SETBP1: variants seen among roughly 807,000 people sequenced by gnomAD.
SETBP1 encodes the protein SET binding protein 1, also known as SET-binding protein.
A neutral mutation model predicts 101.0 loss-of-function variants in SETBP1; 9 were observed. The observed-to-expected ratio is 0.09, with a 90% CI of 0.05 to 0.16. The LOEUF is 0.16. Ranked by LOEUF, SETBP1 falls within the 10% of genes least tolerant of loss-of-function variation. The pLI is 1.00. For missense variants in SETBP1, 1,858 were observed against 2,033.8 expected (o/e 0.91, Z 1.66); for synonymous variants, 818 against 788.5 (o/e 1.04, Z -0.63).
chr18:44,815,333 A>G (rs2071951369), intron 2 of SETBP1, among the ~76,000 whole-genome samples: 1 of 152,248 alleles, frequency 6.6e-6, no homozygotes, highest in African/African-American at 2.4e-5. Context: ...AATTATCAGC[A>G]GGAGTTTTGA....
intron 4 of SETBP1, among the ~76,000 whole-genome samples, chr18:44,956,272 G>GAA (rs2071478696): frequency 6.6e-6 from 1 of 152,034 alleles, no homozygotes; most frequent in Middle Eastern, 3.2e-3. Context: ...AAGCATGAGA[G>GAA]AAAAATATCT....
chr18:44,855,790 G>A (rs995039230), intron 2 of SETBP1, among the ~76,000 whole-genome samples: 2 of 152,206 alleles, frequency 1.3e-5, no homozygotes, highest in African/African-American at 4.8e-5. Context: ...AGATCTGCCT[G>A]CCACATTGAG....
At chr18:44,784,527 C>T (rs1323474414) in intron 2 of SETBP1, among the ~76,000 whole-genome samples, 1 of 152,178 alleles carries the variant, frequency 6.6e-6, no homozygotes, top group Non-Finnish European at 1.5e-5. Flanking sequence ...GTCCCCAGGC[C>T]ATGTCTTTTT....
At chr18:44,939,637 C>T (rs1016083744) in intron 3 of SETBP1, among the ~76,000 whole-genome samples, 4 of 152,190 alleles carry the variant, frequency 2.6e-5, no homozygotes, top group Non-Finnish European at 5.9e-5. Flanking sequence ...GAGAGATCTT[C>T]CAAAGTGATT....
intron 2 of SETBP1, among the ~76,000 whole-genome samples, chr18:44,816,320 A>G (rs371911299): frequency 2.7e-4 from 41 of 152,240 alleles, no homozygotes; most frequent in Admixed American, 1.6e-3. Flanking sequence ...AAAGGCTACA[A>G]TGCAAATTCT....
At chr18:44,880,234 G>A (rs2069499014) in intron 3 of SETBP1, among the ~76,000 whole-genome samples, 1 of 152,190 alleles carries the variant, frequency 6.6e-6, no homozygotes, top group Non-Finnish European at 1.5e-5. Context: ...AAGCACATGG[G>A]TTTTGGATTT....
chr18:45,020,622 A>G (rs763357317), intron 4 of SETBP1, among the ~76,000 whole-genome samples: 1 of 152,246 alleles, frequency 6.6e-6, no homozygotes, highest in Non-Finnish European at 1.5e-5. Context: ...ATTAGAGGCC[A>G]TAAAGAAACT....
At chr18:44,869,570 G>A (rs1168494014) in intron 3 of SETBP1, 1 of 427,636 alleles carries the variant, frequency 2.3e-6, no homozygotes, top group African/African-American at 2.0e-5. Context: ...ATTCAGCTTA[G>A]GAAAGGGTTA....
intron 2 of SETBP1, among the ~76,000 whole-genome samples, chr18:44,837,170 G>A (rs928017097): frequency 1.3e-5 from 2 of 152,156 alleles, no homozygotes; most frequent in East Asian, 3.9e-4. Context: ...TTCAAGGTGG[G>A]CAGTCTTTGC....
intron 3 of SETBP1, among the ~76,000 whole-genome samples, chr18:44,891,594 G>T (rs1295224789): frequency 6.6e-6 from 1 of 152,032 alleles, no homozygotes; most frequent in African/African-American, 2.4e-5. Flanking sequence ...AGTGAGCCAA[G>T]ACTACTGTAA....
At chr18:44,825,979 T>C (rs1434969216) in intron 2 of SETBP1, among the ~76,000 whole-genome samples, 2 of 152,212 alleles carry the variant, frequency 1.3e-5, no homozygotes, top group Admixed American at 1.3e-4. Context: ...GACTAGTACC[T>C]TGATGTTTCA....
chr18:44,976,718 G>A (rs1429636821), intron 4 of SETBP1, among the ~76,000 whole-genome samples: 1 of 152,182 alleles, frequency 6.6e-6, no homozygotes, highest in Non-Finnish European at 1.5e-5. Flanking sequence ...TGATATGGGT[G>A]AGTTATTTAC....
Position 44,879,088 on chromosome 18 carries a change from C to G in SETBP1, c.540+9805C>G, listed in dbSNP as rs1418885850. 3.3e-5 allele frequency among the ~76,000 whole-genome samples: 5 copies of G among 152,080 alleles called. No homozygotes were observed. In the East Asian group the frequency reaches 9.6e-4, roughly 29 times the overall value. ...AGAACTCATGTTTCTAATGGGTGAC[C>G]CAAGCCAATGATACATGGAGGGGAA... On this transcript the variant is annotated intron_variant, in intron 3 of 5. Transcript: ENST00000649279.
At position 45,063,695 on chromosome 18, in the gene SETBP1, C is replaced by G. The variant is rs980790096; in HGVS notation, c.4788C>G (p.Pro1596=). ...GAGGGAGTGAGAGCGAGGTCCTTCC[C>G]TAGGGCGGGTCTGGGCGTCTGCACC... ...KSRGSESEVL[P] is the part of the protein sequence containing the mutation. The change falls in exon 6 of 6, where the codon CCC becomes CCG. Residue 1596 remains proline (P), a synonymous_variant. Coordinates refer to ENST00000649279, the MANE Select transcript of SETBP1 (RefSeq NM_015559.3). 7 of 1,606,434 alleles carry G rather than the reference C, an allele frequency of 4.4e-6. No individual in the cohort carries two copies. Among genetic ancestry groups the G allele is most frequent in the Non-Finnish European group, 5.9e-6 (7 of 1,176,918 alleles).
rs1466644707 is a variant in SETBP1, at chr18:45,063,818, G to A, written c.*120G>A. 8.2e-6 allele frequency: 10 copies of A among 1,213,034 alleles called. No individual in the cohort carries two copies. In the African/African-American group the frequency reaches 1.2e-4, roughly 15 times the overall value. The allele number at this position is 1,213,034 out of a possible 1,614,324, so 75.1% of individuals were successfully genotyped here. On this transcript the variant is annotated 3_prime_UTR_variant, in exon 6 of 6. Transcript: ENST00000649279. Reference sequence around the variant, plus strand: ...ACCCACGCCCTTCTCTCCAGAAGCCGGGCAGGCAGAATCCGGCCAGACGAC... The same window carrying A: ...ACCCACGCCCTTCTCTCCAGAAGCCAGGCAGGCAGAATCCGGCCAGACGAC...
chr18:44,731,237 C>T (rs1435904749), intron 2 of SETBP1, among the ~76,000 whole-genome samples: 3 of 152,216 alleles, frequency 2.0e-5, no homozygotes, highest in Non-Finnish European at 4.4e-5. Context: ...GTATGACCCT[C>T]AGCATTTCCA....
At chr18:44,998,736 T>C (rs1431109885) in intron 4 of SETBP1, among the ~76,000 whole-genome samples, 1 of 152,218 alleles carries the variant, frequency 6.6e-6, no homozygotes, top group Non-Finnish European at 1.5e-5. Flanking sequence ...TACGGGGAAG[T>C]AAATCCACAG....
chr18:44,966,362 C>T (rs559727064), intron 4 of SETBP1, among the ~76,000 whole-genome samples: 2 of 152,306 alleles, frequency 1.3e-5, no homozygotes, highest in East Asian at 3.9e-4. Context: ...CACCACACGG[C>T]TTCTTCATGT....
intron 2 of SETBP1, among the ~76,000 whole-genome samples, chr18:44,796,353 G>A (rs777072317): frequency 5.3e-5 from 8 of 152,154 alleles, no homozygotes; most frequent in Non-Finnish European, 1.0e-4. Context: ...TGCCTATTGC[G>A]CTAGGAGAGA....
Sources: allele counts gnomAD v4.1 joint callset (sites outside exome capture counted in the v4.1 genomes callset), GRCh38; gene constraint gnomAD v4.1.1; transcripts MANE v1.5; gene names NCBI Gene and HGNC (gene_info 2026-07-23, HGNC 2026-07-21).